Variants in CMIP observed in about 807,000 individuals in gnomAD.
CMIP encodes C-Maf-inducing protein.
A neutral mutation model predicts 97.3 loss-of-function variants in CMIP; 13 were observed. The ratio of observed to expected loss-of-function variants is 0.13; its 90% confidence interval spans 0.09 to 0.21. The LOEUF is 0.21. Ranked by LOEUF, CMIP falls within the 10% of genes least tolerant of loss-of-function variation. CMIP has a pLI of 1.00. For missense variants in CMIP, 847 were observed against 1,024.9 expected (o/e 0.83, Z 2.37); for synonymous variants, 538 against 436.3 (o/e 1.23, Z -2.91).
chr16:81,607,495 C>A, intron 1 of CMIP, 72 bp from the exon 2 acceptor site: 1 of 1,574,892 alleles, frequency 6.3e-7, no homozygotes, highest in South Asian at 1.1e-5. Context: ...TTTCCAAAAC[C>A]GTCTGAGATG....
intron 1 of CMIP, among the ~76,000 whole-genome samples, chr16:81,467,506 G>A (rs1907275252): frequency 6.6e-6 from 1 of 151,764 alleles, no homozygotes; most frequent in African/African-American, 2.4e-5. Context: ...GGTTTGGTCT[G>A]GAAAAAAGAG....
chr16:81,599,497 G>A (rs887234478), intron 1 of CMIP, among the ~76,000 whole-genome samples: 1 of 152,226 alleles, frequency 6.6e-6, no homozygotes, highest in Admixed American at 6.5e-5. Context: ...CTGCTGCGTG[G>A]GGTAGCAACA....
At chr16:81,705,014 A>G (rs746261070) in intron 18 of CMIP, among the ~76,000 whole-genome samples, 2 of 152,084 alleles carry the variant, frequency 1.3e-5, no homozygotes, top group Non-Finnish European at 2.9e-5. Context: ...GTCCCAGCTC[A>G]GTGTGAACTG....
intron 1 of CMIP, among the ~76,000 whole-genome samples, chr16:81,466,613 G>A (rs1907222303): frequency 6.6e-6 from 1 of 152,162 alleles, no homozygotes; most frequent in Admixed American, 6.5e-5. Flanking sequence ...TATTACTTAC[G>A]AACGGGCCAT....
chr16:81,580,451 T>C (rs181776141), intron 1 of CMIP, among the ~76,000 whole-genome samples: 6 of 152,054 alleles, frequency 3.9e-5, no homozygotes, highest in Admixed American at 3.3e-4. Flanking sequence ...TTTTTATTTT[T>C]GAAATGGAGT....
chr16:81,640,995 C>G (rs1024701393), intron 3 of CMIP, among the ~76,000 whole-genome samples: 1 of 152,258 alleles, frequency 6.6e-6, no homozygotes, highest in South Asian at 2.1e-4. Context: ...TGAGCCCCTC[C>G]TCTCCTCTGC....
intron 3 of CMIP, among the ~76,000 whole-genome samples, chr16:81,647,648 G>C (rs2092378656): frequency 6.6e-6 from 1 of 152,118 alleles, no homozygotes; most frequent in South Asian, 2.1e-4. Context: ...ATATTGCAAA[G>C]CTGAGGGCCA....
chr16:81,467,883 CTTTT>C (rs754844403), intron 1 of CMIP, among the ~76,000 whole-genome samples: 3 of 113,460 alleles, frequency 2.6e-5, no homozygotes, highest in Non-Finnish European at 3.7e-5. Context: ...GCCTGGCCTT[CTTTT>C]TTTTTTTTTT....
chr16:81,476,149 G>C, intron 1 of CMIP: 1 of 1,067,094 alleles, frequency 9.4e-7, no homozygotes. Context: ...CCACGTGCTT[G>C]CGTTCAACCA....
intron 1 of CMIP, among the ~76,000 whole-genome samples, chr16:81,493,604 TC>T (rs2150768826): frequency 6.6e-6 from 1 of 152,380 alleles, no homozygotes; most frequent in African/African-American, 2.4e-5. Flanking sequence ...TGTTGAATCT[TC>T]CGGCAGTGTG....
chr16:81,586,401 C>A (rs72829077), intron 1 of CMIP, among the ~76,000 whole-genome samples: 3 of 152,176 alleles, frequency 2.0e-5, no homozygotes, highest in Admixed American at 1.3e-4. Context: ...TCACTGCCTA[C>A]TTGTTTGTAG....
chr16:81,490,990 T>G (rs1181201579), intron 1 of CMIP, among the ~76,000 whole-genome samples: 1 of 152,094 alleles, frequency 6.6e-6, no homozygotes, highest in Admixed American at 6.5e-5. Flanking sequence ...GGGTCCAGCC[T>G]GCACACAGTG....
intron 3 of CMIP, among the ~76,000 whole-genome samples, chr16:81,633,089 G>A (rs2150977482): frequency 6.6e-6 from 1 of 152,382 alleles, no homozygotes; most frequent in Non-Finnish European, 1.5e-5. Flanking sequence ...CATGTAAACG[G>A]TTTGTGGGTG....
chr16:81,705,630 G>A (rs758479667), intron 19 of CMIP, 26 bp downstream of exon 19: 26 of 1,467,264 alleles, frequency 1.8e-5, no homozygotes, highest in Non-Finnish European at 2.2e-5. Context: ...GCAGCTGGGG[G>A]GTGAGGGGCC....
intron 1 of CMIP, among the ~76,000 whole-genome samples, chr16:81,602,482 G>T (rs566269574): frequency 6.6e-6 from 1 of 152,172 alleles, no homozygotes; most frequent in Non-Finnish European, 1.5e-5. Context: ...CGCTTTTAGC[G>T]TGCAGATCTG....
Position 81,653,813 on chromosome 16 carries a change from G to A in CMIP, c.639+1449G>A, listed in dbSNP as rs191759603. On this transcript the variant is annotated intron_variant, in intron 4 of 20. Coordinates refer to ENST00000537098, the MANE Select transcript of CMIP (RefSeq NM_198390.3). ...TTTTTAGTAGAGACAAGGTTTCACC[G>A]TGTTGGCCAGGCTGGTCTTGAACTC... 1.1e-3 allele frequency among the ~76,000 whole-genome samples: 169 copies of A among 152,282 alleles called. 3 individuals carry two copies. The highest frequency in any genetic ancestry group is 9.5e-3 in the Admixed American group (146 of 15,298).
At position 81,709,956 on chromosome 16, in the gene CMIP, G is replaced by C. The variant is rs1229270548; in HGVS notation, c.*157G>C. On this transcript the variant is annotated 3_prime_UTR_variant, in exon 21 of 21. Transcript: ENST00000537098. Reference sequence around the variant, plus strand: ...GGGCGGAGGGGGGAGGGGGTGGGGAGGGGGCCCACAAGCACGCCCAGCCCC... The same window carrying C: ...GGGCGGAGGGGGGAGGGGGTGGGGACGGGGCCCACAAGCACGCCCAGCCCC... 1.6e-6 allele frequency: 1 copy of C among 614,272 alleles called. No individual in the cohort carries two copies. The highest frequency in any genetic ancestry group is 1.9e-5 in the African/African-American group (1 of 53,946). 38.1% of individuals were successfully genotyped at this position (614,272 alleles called of 1,614,324 possible). A position where few individuals can be genotyped will look rare whatever the true frequency, so the allele number is the denominator to read the frequency against.
rs148354329 is a variant in CMIP at position 81,506,734 on chromosome 16, G to A, written c.300+61193G>A. On this transcript the variant is annotated intron_variant, in intron 1 of 20. Coordinates refer to ENST00000537098, the MANE Select transcript of CMIP (RefSeq NM_198390.3). ...TCGAGACCAGCCTGGCCACACTAGT[G>A]AAACCCCGTCTCTACTAAAAATTAG... Among the ~76,000 whole-genome samples, 1,235 of 152,294 alleles carry A rather than the reference G, an allele frequency of 8.1e-3. 14 individuals carry two copies. Among genetic ancestry groups the A allele is most frequent in the African/African-American group, 0.028 (1,183 of 41,556 alleles).
intron 1 of CMIP, among the ~76,000 whole-genome samples, chr16:81,501,502 C>A (rs1241773864): frequency 3.3e-5 from 5 of 151,238 alleles, no homozygotes; most frequent in Non-Finnish European, 7.4e-5. Context: ...GCCCTAAATT[C>A]TTGAATGGGG....
Sources: allele counts gnomAD v4.1 joint callset (sites outside exome capture counted in the v4.1 genomes callset), GRCh38; gene constraint gnomAD v4.1.1; transcripts MANE v1.5; gene names NCBI Gene and HGNC (gene_info 2026-07-23, HGNC 2026-07-21).